GLI2: variants seen among roughly 807,000 people sequenced by gnomAD.
The protein encoded by GLI2 is transcription activator GLI2.
In GLI2, 22 loss-of-function variants were observed where a neutral mutation model predicts 78.9. That is an observed-to-expected ratio of 0.28 (90% CI 0.20 to 0.40). GLI2 has a LOEUF of 0.40. Ranked by LOEUF, GLI2 falls within the 10% of genes least tolerant of loss-of-function variation. The pLI is 1.00. For missense variants in GLI2, 2,097 were observed against 2,213.2 expected, an observed-to-expected ratio of 0.95 and a Z score of 1.05; for synonymous variants, 974 against 963.7, an observed-to-expected ratio of 1.01 and a Z score of -0.20.
chr2:120,790,025 C>G (rs974691239), intron 1 of GLI2, among the ~76,000 whole-genome samples: 1 of 152,156 alleles, frequency 6.6e-6, no homozygotes, highest in Non-Finnish European at 1.5e-5. Context: ...CAGCGACACC[C>G]TAGGCAGAGG....
intron 2 of GLI2, among the ~76,000 whole-genome samples, chr2:120,836,229 G>A (rs549246758): frequency 1.3e-5 from 2 of 152,204 alleles, no homozygotes; most frequent in East Asian, 1.9e-4. Flanking sequence ...AGAATGTTGT[G>A]TTTGTCATCC....
chr2:120,803,638 G>GGT (rs1196460209), intron 2 of GLI2, among the ~76,000 whole-genome samples: 1 of 152,074 alleles, frequency 6.6e-6, no homozygotes, highest in Non-Finnish European at 1.5e-5. Context: ...GCCTGTCCTG[G>GGT]GTGTCTGTCC....
intron 3 of GLI2, among the ~76,000 whole-genome samples, chr2:120,938,858 C>T (rs1014073649): frequency 6.6e-6 from 1 of 152,210 alleles, no homozygotes; most frequent in African/African-American, 2.4e-5. Context: ...TCCCCACCAG[C>T]GCCAGCCCTG....
At chr2:120,761,332 G>C (rs1288395513) in intron 1 of GLI2, among the ~76,000 whole-genome samples, 1 of 152,118 alleles carries the variant, frequency 6.6e-6, no homozygotes, top group African/African-American at 2.4e-5. Flanking sequence ...TGAGATCCCA[G>C]AGCCCAGGAG....
At chr2:120,976,634 G>A (rs550399319) in intron 9 of GLI2, among the ~76,000 whole-genome samples, 3 of 152,366 alleles carry the variant, frequency 2.0e-5, no homozygotes, top group South Asian at 4.1e-4. Flanking sequence ...TGTCAAAGAC[G>A]TGCTCTGTGA....
Position 120,736,851 on chromosome 2 carries a change from C to T in GLI2, c.-31+566C>T, listed in dbSNP as rs147400156. Among the ~76,000 whole-genome samples the T allele has an allele frequency of 7.2e-3, 1,081 of 151,126 alleles. 13 individuals carry two copies. The highest frequency in any genetic ancestry group is 0.023 in the African/African-American group (959 of 41,116). On this transcript the variant is annotated intron_variant, in intron 1 of 13. Coordinates refer to ENST00000361492, the MANE Select transcript of GLI2 (RefSeq NM_001374353.1). ...CTCGCCCGGCCCGGCCGCCCCCTCC[C>T]CCTCTGCTGGGCTCTCCTCCTCGGC...
chr2:120,976,006 C>T (rs949988268), intron 9 of GLI2, among the ~76,000 whole-genome samples: 1 of 152,192 alleles, frequency 6.6e-6, no homozygotes, highest in Non-Finnish European at 1.5e-5. Context: ...CTCCTCCTGC[C>T]TGTTCCCCAC....
chr2:120,901,538 T>TG (rs1357363108), intron 2 of GLI2, among the ~76,000 whole-genome samples: 1 of 152,172 alleles, frequency 6.6e-6, no homozygotes, highest in Non-Finnish European at 1.5e-5. Flanking sequence ...GCCAGGCCAC[T>TG]GGGGAGCATG....
At chr2:120,940,980 G>A (rs1428200492) in intron 3 of GLI2, among the ~76,000 whole-genome samples, 3 of 152,170 alleles carry the variant, frequency 2.0e-5, no homozygotes, top group Non-Finnish European at 4.4e-5. Context: ...TGGCCAAGTC[G>A]GCCTCAGACC....
At chr2:120,814,714 G>A (rs768797995) in intron 2 of GLI2, among the ~76,000 whole-genome samples, 1 of 152,174 alleles carries the variant, frequency 6.6e-6, no homozygotes, top group Non-Finnish European at 1.5e-5. Context: ...TAGGTTGCGT[G>A]CTCCTTATGA....
chr2:120,974,156 C>T (rs1404443860), intron 8 of GLI2, among the ~76,000 whole-genome samples: 1 of 152,128 alleles, frequency 6.6e-6, no homozygotes, highest in African/African-American at 2.4e-5. Context: ...TCCCAGCCTT[C>T]CTAGCAGACC....
intron 3 of GLI2, among the ~76,000 whole-genome samples, chr2:120,950,822 T>G (rs1441923422): frequency 6.6e-6 from 1 of 152,230 alleles, no homozygotes; most frequent in Non-Finnish European, 1.5e-5. Context: ...CTCTTTGCGT[T>G]TTACCCGTGG....
At chr2:120,949,885 A>G (rs1285625227) in intron 3 of GLI2, among the ~76,000 whole-genome samples, 6 of 152,202 alleles carry the variant, frequency 3.9e-5, no homozygotes, top group Non-Finnish European at 8.8e-5. Context: ...ACTATTGAGC[A>G]TGATCAGTAA....
At chr2:120,745,258 C>T (rs1682660853) in intron 1 of GLI2, among the ~76,000 whole-genome samples, 1 of 152,154 alleles carries the variant, frequency 6.6e-6, no homozygotes, top group African/African-American at 2.4e-5. Context: ...CTTTCTTTTT[C>T]CATGTAAGGA....
chr2:120,796,554 C>T (rs978951173), intron 1 of GLI2, among the ~76,000 whole-genome samples: 2 of 152,218 alleles, frequency 1.3e-5, no homozygotes, highest in African/African-American at 2.4e-5. Context: ...GGTGGCCCCT[C>T]AGGCATCCCA....
chr2:120,807,866 G>C (rs57339437), intron 2 of GLI2, among the ~76,000 whole-genome samples: 3,308 of 142,422 alleles, frequency 0.023, 120 homozygotes, highest in African/African-American at 0.079. Context: ...ACACCTCCCC[G>C]CCCCCGCCAC....
chr2:120,863,565 T>C (rs972925227), intron 2 of GLI2, among the ~76,000 whole-genome samples: 1 of 152,268 alleles, frequency 6.6e-6, no homozygotes, highest in East Asian at 1.9e-4. Flanking sequence ...ATTTTTTAAA[T>C]AGAGGTTTTA....
At chr2:120,809,884 TC>T (rs944166142) in intron 2 of GLI2, among the ~76,000 whole-genome samples, 9 of 152,212 alleles carry the variant, frequency 5.9e-5, no homozygotes, top group African/African-American at 2.2e-4. Flanking sequence ...TAACTTCCAC[TC>T]CTTTATCACC....
Position 120,874,192 on chromosome 2 carries a change from G to A in GLI2, c.149-53169G>A, listed in dbSNP as rs374972780. Among the ~76,000 whole-genome samples, 31 of 152,260 alleles carry A rather than the reference G, an allele frequency of 2.0e-4. No individual in the cohort carries two copies. The South Asian group carries it at 2.3e-3, about 11-fold the overall frequency. The stretch of plus-strand genomic sequence containing the variant: ...CCAGCCAACAGAGCCCGGTCTGTGC[G>A]GGCTCCGTGGGTCTGTGTGAGAGCC... On this transcript the variant is annotated intron_variant, in intron 2 of 13. Coordinates refer to ENST00000361492, the MANE Select transcript of GLI2 (RefSeq NM_001374353.1).
Sources: allele counts gnomAD v4.1 joint callset (sites outside exome capture counted in the v4.1 genomes callset), GRCh38; gene constraint gnomAD v4.1.1; transcripts MANE v1.5; gene names NCBI Gene and HGNC (gene_info 2026-07-23, HGNC 2026-07-21).